Variants in PI4KA observed in about 807,000 individuals in gnomAD.
PI4KA encodes PI4-kinase alpha.
PI4KA carries 122 observed loss-of-function variants against 271.4 expected under a neutral mutation model. The observed-to-expected ratio is 0.45, with a 90% CI of 0.39 to 0.52. The LOEUF is 0.52. Among genes scored for constraint, PI4KA ranks in the 20% least tolerant of loss-of-function variants. PI4KA has a pLI of 0.00. For missense variants in PI4KA, 1,969 were observed against 2,769.1 expected (o/e 0.71, Z 6.48); for synonymous variants, 1,041 against 1,078.8 (o/e 0.96, Z 0.69).
At chr22:20,795,704 G>A (rs1290641007) in intron 18 of PI4KA, among the ~76,000 whole-genome samples, 1 of 152,146 alleles carries the variant, frequency 6.6e-6, no homozygotes, top group African/African-American at 2.4e-5. Context: ...AAGACATGAC[G>A]TTTATCTCAG....
intron 4 of PI4KA, among the ~76,000 whole-genome samples, chr22:20,822,757 T>A (rs192128819): frequency 1.3e-5 from 2 of 152,170 alleles, no homozygotes; most frequent in African/African-American, 4.8e-5. Context: ...TGCAGCAACT[T>A]CATTTCTCTC....
Position 20,752,941 on chromosome 22 carries a change from C to T in PI4KA, c.2949G>A (p.Arg983=), listed in dbSNP as rs1930866988. Reference sequence around the variant, plus strand: ...CAGATAGATACTTGTCTGCCACCCTCCTTATCCTCTTGTGGATGTGGTTGA... The same window carrying T: ...CAGATAGATACTTGTCTGCCACCCTTCTTATCCTCTTGTGGATGTGGTTGA... ...VNFNHIHKRI[R]RVADKYLSGL... Residue 983 remains arginine, a synonymous_variant, in exon 25 of 55, where the codon AGG becomes AGA. Transcript: ENST00000255882. 6.2e-7 allele frequency: 1 copy of T among 1,614,068 alleles called. No individual in the cohort carries two copies. The highest frequency in any genetic ancestry group is 1.3e-5 in the African/African-American group (1 of 74,928).
At chr22:20,739,469 G>GA (rs5844434) in intron 32 of PI4KA, among the ~76,000 whole-genome samples, 14,659 of 130,302 alleles carry the variant, frequency 0.11, 818 homozygotes, top group African/African-American at 0.19. Flanking sequence ...CTGTCTTCAG[G>GA]AAAAAAAAAA....
chr22:20,721,989 C>A (rs1374656470), intron 42 of PI4KA: 1 of 154,194 alleles, frequency 6.5e-6, no homozygotes, highest in Non-Finnish European at 1.4e-5. Flanking sequence ...CGAATGAGTT[C>A]TCAGGAGATC....
chr22:20,766,108 T>C (rs891911477), intron 19 of PI4KA, among the ~76,000 whole-genome samples: 1 of 152,028 alleles, frequency 6.6e-6, no homozygotes, highest in Non-Finnish European at 1.5e-5. Context: ...CCTGGCACTG[T>C]GGAGGGTAAC....
Position 20,729,322 on chromosome 22 carries a change from A to T in PI4KA, c.4673T>A (p.Leu1558Gln), listed in dbSNP as rs1446758277. The change falls in exon 39 of 55, where the codon CTG (leucine) becomes CAG (glutamine). Residue 1558 changes from leucine (L) to glutamine (Q), a missense_variant. Coordinates refer to ENST00000255882, the MANE Select transcript of PI4KA (RefSeq NM_058004.4). ...WSISPYLAVQ[L>Q]PARFKNTEAI... ...GTGCCCGGGGGCCCACCTGGCAGGC[A>T]GCTGCACGGCTAGGTAGGGAGAGAT... The T allele has an allele frequency of 6.2e-7, 1 of 1,613,144 alleles. No homozygotes were observed. Among genetic ancestry groups the T allele is most frequent in the African/African-American group, 1.3e-5 (1 of 74,920 alleles).
At chr22:20,844,366 TAGTC>T (rs1569095597) in intron 1 of PI4KA, among the ~76,000 whole-genome samples, 1 of 152,184 alleles carries the variant, frequency 6.6e-6, no homozygotes, top group African/African-American at 2.4e-5. Context: ...AATTGTCATA[TAGTC>T]AGTACCAGGC....
At chr22:20,746,092 T>G (rs1401424395) in intron 29 of PI4KA, among the ~76,000 whole-genome samples, 1 of 143,992 alleles carries the variant, frequency 6.9e-6, no homozygotes, top group East Asian at 2.0e-4. Flanking sequence ...AGATGGAGTC[T>G]TGCTCTGTTG....
intron 18 of PI4KA, among the ~76,000 whole-genome samples, chr22:20,795,153 T>C (rs165915): frequency 0.39 from 58,974 of 151,968 alleles, 12,066 homozygotes; most frequent in African/African-American, 0.5. Flanking sequence ...ATCAATCTTT[T>C]ATTTTTTAAT....
In PI4KA at chr22:20,797,881, T is replaced by A. The variant is rs187693658; in HGVS notation, c.2108+703A>T. Among the ~76,000 whole-genome samples, 61 of 152,190 alleles carry A rather than the reference T, an allele frequency of 4.0e-4. 1 individual carries two copies. In the East Asian group the frequency reaches 0.011, roughly 27 times the overall value. On this transcript the variant is annotated intron_variant, in intron 17 of 54. Coordinates refer to ENST00000255882, the MANE Select transcript of PI4KA (RefSeq NM_058004.4). ...CCTGCAAAGGGGCTCTCTTCTTCCC[T>A]CCCCACCCTCCTGTCCTCATCTGAC...
At chr22:20,729,212 G>T in intron 39 of PI4KA, 101 bp downstream of exon 39, 1 of 950,840 alleles carries the variant, frequency 1.1e-6, no homozygotes, top group South Asian at 1.6e-5. Context: ...TCCTTGAAAG[G>T]GGCTGCAGGG....
chr22:20,786,177 C>T (rs1276660794), intron 19 of PI4KA: 6 of 1,612,868 alleles, frequency 3.7e-6, no homozygotes, highest in African/African-American at 2.7e-5. Context: ...ACCCCCGACC[C>T]GTCCCCAGGG....
chr22:20,761,512 ACT>A, intron 22 of PI4KA, 126 bp from the exon 23 acceptor site: 1 of 670,954 alleles, frequency 1.5e-6, no homozygotes, highest in Non-Finnish European at 2.7e-6. Context: ...AAGGGTGCAC[ACT>A]GAGGTGGACT....
chr22:20,733,482 C>A (rs1334079397), intron 35 of PI4KA, among the ~76,000 whole-genome samples: 2 of 149,660 alleles, frequency 1.3e-5, no homozygotes, highest in Admixed American at 6.7e-5. Flanking sequence ...CGCACTTAAT[C>A]TCCTAAATCA....
intron 19 of PI4KA, chr22:20,786,853 G>A (rs779655654): frequency 1.2e-6 from 2 of 1,613,740 alleles, no homozygotes; most frequent in East Asian, 4.5e-5. Flanking sequence ...TCCAGAATCT[G>A]ACAACTTTCC....
At chr22:20,771,841 C>T (rs1249927775) in intron 19 of PI4KA, among the ~76,000 whole-genome samples, 1 of 152,078 alleles carries the variant, frequency 6.6e-6, no homozygotes, top group Non-Finnish European at 1.5e-5. Flanking sequence ...CTTGGCCTCT[C>T]AAAGTGCTGG....
intron 10 of PI4KA, among the ~76,000 whole-genome samples, chr22:20,806,918 G>A (rs1294926551): frequency 1.3e-5 from 2 of 151,878 alleles, no homozygotes; most frequent in Non-Finnish European, 2.9e-5. Flanking sequence ...ATTTTTAGTA[G>A]AGACAGGGTT....
Position 20,756,638 on chromosome 22 carries a change from A to T in PI4KA, c.2792-3458T>A, listed in dbSNP as rs1194994639. 1.4e-4 allele frequency among the ~76,000 whole-genome samples: 21 copies of T among 147,126 alleles called. No homozygotes were observed. In the East Asian group the frequency reaches 2.5e-3, roughly 17 times the overall value. On this transcript the variant is annotated intron_variant, in intron 23 of 54. Transcript: ENST00000255882. Reference sequence around the variant, plus strand: ...GTAGCATCTAAGGAGATTAAAAAAAATTTTTTTTTTGAGACGTAGTCTTGC... The same window carrying T: ...GTAGCATCTAAGGAGATTAAAAAAATTTTTTTTTTTGAGACGTAGTCTTGC...
In PI4KA at chr22:20,804,163, C is replaced by A. The variant is rs1935503923; in HGVS notation, c.1461+137G>T. 4.6e-6 allele frequency: 3 copies of A among 648,530 alleles called. No homozygotes were observed. In the South Asian group the frequency reaches 5.2e-5, roughly 11 times the overall value. The allele number at this position is 648,530 out of a possible 1,614,324, so 40.2% of individuals were successfully genotyped here. On this transcript the variant is annotated intron_variant, in intron 12 of 54. Coordinates refer to ENST00000255882, the MANE Select transcript of PI4KA (RefSeq NM_058004.4). ...AGTGATGAACTGTGCACAGCACGCA[C>A]TGGTTAAAGCTCCTAAAGACAGAAC... is the stretch of plus-strand genomic sequence containing the variant.
Sources: gnomAD v4.1 joint callset for allele counts (sites outside exome capture counted in the v4.1 genomes callset) on GRCh38, gnomAD v4.1.1 for gene constraint, MANE v1.5 for transcripts, NCBI Gene and HGNC (gene_info 2026-07-23, HGNC 2026-07-21) for gene names.